The following PSTK variants were observed in gnomAD, a reference collection of about 807,000 sequenced individuals.
PSTK encodes phosphoseryl-tRNA kinase.
A neutral mutation model predicts 38.6 loss-of-function variants in PSTK; 26 were observed. The ratio of observed to expected loss-of-function variants is 0.67; its 90% CI spans 0.49 to 0.94. The LOEUF is 0.94. Among genes scored for constraint, PSTK ranks in the 40% least tolerant of loss-of-function variants. The pLI is 0.00. For synonymous variants in PSTK, 181 were observed against 161.7 expected (o/e 1.12, Z -0.91); for missense variants, 445 against 436.3 (o/e 1.02, Z -0.18).
intron 5 of PSTK, 114 bp from the exon 6 acceptor site, chr10:122,990,060 G>C: frequency 1.5e-6 from 1 of 682,780 alleles, no homozygotes; most frequent in Non-Finnish European, 2.4e-6. Context: ...ACTCAATTGT[G>C]ATTGTTTATA....
At chr10:122,986,093 C>T (rs1455571485) in intron 3 of PSTK, 14 of 295,902 alleles carry the variant, frequency 4.7e-5, no homozygotes, top group South Asian at 1.2e-4. Flanking sequence ...TGGTGGTGGG[C>T]GCCTGTAGTC....
rs1849111784 is a variant in PSTK at position 122,990,163 on chromosome 10, TTTTA to T, written c.878-7_878-4del. 1 of 1,506,230 alleles carries T rather than the reference TTTTA, an allele frequency of 6.6e-7. No homozygotes were observed. The highest frequency in any genetic ancestry group is 2.6e-5 in the Admixed American group (1 of 38,300). 93.3% of individuals were successfully genotyped at this position (1,506,230 alleles called of 1,614,324 possible). Reference sequence around the variant, plus strand: ...TTACACCAGTAATTTGAGAATATCTTTTTATTTTAGATGAACAAGTGCTTCCTCA... The same window carrying T: ...TTACACCAGTAATTTGAGAATATCTTTTTTAGATGAACAAGTGCTTCCTCA... On this transcript the variant is annotated splice_region_variant and splice_polypyrimidine_tract_variant and intron_variant, in intron 5 of 5. Coordinates refer to ENST00000406217, the MANE Select transcript of PSTK (RefSeq NM_001363531.2).
chr10:122,985,594 A>C (rs1849022254), intron 3 of PSTK: 1 of 152,194 alleles, frequency 6.6e-6, no homozygotes, highest in Non-Finnish European at 1.5e-5. Context: ...AACTTTGCTC[A>C]TCCATATCCA....
intron 2 of PSTK, 63 bp downstream of exon 2, chr10:122,983,087 G>T: frequency 7.0e-7 from 1 of 1,421,222 alleles, no homozygotes; most frequent in Non-Finnish European, 9.6e-7. Flanking sequence ...AAACACTATT[G>T]TCTTCAATGA....
intron 5 of PSTK, 87 bp from the exon 6 acceptor site, chr10:122,990,087 T>C: frequency 2.2e-6 from 2 of 892,838 alleles, no homozygotes; most frequent in Non-Finnish European, 3.4e-6. Context: ...AACTGGTTTG[T>C]TTAATCAAAT....
Position 122,982,909 on chromosome 10 carries a change from C to T in PSTK, c.393C>T (p.Ala131=). 6.2e-7 allele frequency: 1 copy of T among 1,614,140 alleles called. No individual in the cohort carries two copies. Among genetic ancestry groups the T allele is most frequent in the Non-Finnish European group, 8.5e-7 (1 of 1,180,006 alleles). Reference sequence around the variant, plus strand: ...TGATATTTTCTGCAGCATTTGAGGCCCAGTCTTGCTACCTCTTAACAAAAA... The same window carrying T: ...TGATATTTTCTGCAGCATTTGAGGCTCAGTCTTGCTACCTCTTAACAAAAA... ...QDLIFSAAFE[A]QSCYLLTKTA... is the part of the protein sequence containing the mutation. The change falls in exon 2 of 6, where the codon GCC becomes GCT. Residue 131 remains alanine (A), a synonymous_variant. Coordinates refer to ENST00000406217, the MANE Select transcript of PSTK (RefSeq NM_001363531.2).
At chr10:122,987,394 C>T (rs1428808189) in intron 5 of PSTK, 3 of 1,614,042 alleles carry the variant, frequency 1.9e-6, no homozygotes, top group Non-Finnish European at 2.5e-6. Context: ...GCGAACCATG[C>T]AGCTATCTGG....
chr10:122,988,148 C>T (rs562683658), intron 5 of PSTK, among the ~76,000 whole-genome samples: 9 of 152,038 alleles, frequency 5.9e-5, no homozygotes, highest in South Asian at 2.1e-4. Flanking sequence ...AGAAAAATAC[C>T]GATTGCCACT....
chr10:122,982,621 A>G (rs995401967), intron 1 of PSTK, 112 bp from the exon 2 acceptor site: 14 of 802,552 alleles, frequency 1.7e-5, no homozygotes, highest in Non-Finnish European at 2.8e-5. Flanking sequence ...AGAACTACAG[A>G]TGGTTCCGTA....
At chr10:122,986,740 G>A in intron 4 of PSTK, 129 bp from the exon 5 acceptor site, 1 of 634,336 alleles carries the variant, frequency 1.6e-6, no homozygotes, top group Non-Finnish European at 2.7e-6. Flanking sequence ...TCTCTTGTAG[G>A]GAAGAATAAC....
At chr10:122,987,073 GT>G in intron 5 of PSTK, 111 bp downstream of exon 5, 1 of 896,368 alleles carries the variant, frequency 1.1e-6, no homozygotes, top group Non-Finnish European at 1.8e-6. Context: ...TTCACATCAT[GT>G]TTTCAATTTA....
intron 5 of PSTK, among the ~76,000 whole-genome samples, chr10:122,988,181 GTT>G (rs1849061076): frequency 6.6e-6 from 1 of 152,094 alleles, no homozygotes; most frequent in African/African-American, 2.4e-5. Flanking sequence ...ACATTAATAA[GTT>G]TGAGAAACAG....
rs570807899 is a variant in PSTK at position 122,983,689 on chromosome 10, A to G, written c.707+219A>G. 2.9e-5 allele frequency: 15 copies of G among 514,754 alleles called. No homozygotes were observed. The South Asian group carries it at 3.9e-4, about 13-fold the overall frequency. The allele number at this position is 514,754 out of a possible 1,614,324, so 31.9% of individuals were successfully genotyped here. A position where few individuals can be genotyped will look rare whatever the true frequency, so the allele number is the denominator to read the frequency against. The stretch of plus-strand genomic sequence containing the variant: ...ATGTCTGCTCATAACTGTTACGATT[A>G]TACTGTCTTCCAGTAGTTGGAGCAG... On this transcript the variant is annotated intron_variant, in intron 3 of 5. Coordinates refer to ENST00000406217, the MANE Select transcript of PSTK (RefSeq NM_001363531.2).
At position 122,980,803 on chromosome 10, in the gene PSTK, C is replaced by G; in HGVS notation, c.216+108C>G. On this transcript the variant is annotated intron_variant, in intron 1 of 5. Transcript: ENST00000406217. The surrounding 1 kb of genome is among the most constrained non-coding windows in gnomAD (Gnocchi z 4.3). The stretch of plus-strand genomic sequence containing the variant: ...TCCTGGGTGATTTGCCATGAGCGCC[C>G]ATTGCTTGGTGTGGGAGGTGAAGTT... The G allele has an allele frequency of 7.8e-7, 1 of 1,287,434 alleles. No individual in the cohort carries two copies. The highest frequency in any genetic ancestry group is 9.8e-7 in the Non-Finnish European group (1 of 1,023,094). 79.8% of individuals were successfully genotyped at this position (1,287,434 alleles called of 1,614,324 possible).
At chr10:122,987,429 A>G in intron 5 of PSTK, 1 of 1,614,224 alleles carries the variant, frequency 6.2e-7, no homozygotes, top group South Asian at 1.1e-5. Context: ...CAATGAACAC[A>G]TCAAGTGCAG....
chr10:122,989,058 CATG>C (rs895720107), intron 5 of PSTK, among the ~76,000 whole-genome samples: 1 of 151,810 alleles, frequency 6.6e-6, no homozygotes, highest in African/African-American at 2.4e-5. Context: ...ACCTTGAAAA[CATG>C]ATGCAAAGTG....
At position 122,982,802 on chromosome 10, in the gene PSTK, A is replaced by C. The variant is rs899122118; in HGVS notation, c.286A>C (p.Asn96His). Residue 96 changes from asparagine to histidine, a missense_variant, in exon 2 of 6, where the codon AAT (asparagine) becomes CAT (histidine). Asn to His is a moderately conservative substitution (Grantham distance 68, BLOSUM62 1). Transcript: ENST00000406217. The stretch of plus-strand genomic sequence containing the variant: ...GGAATACTTCTTGATGGCTGTCATT[A>C]ATGGGTGTCAGATGTCTGTCCCACC... ...YLEYFLMAVI[N>H]GCQMSVPPNR... The C allele has an allele frequency of 5.0e-6, 8 of 1,613,924 alleles. No individual in the cohort carries two copies. Among genetic ancestry groups the C allele is most frequent in the Non-Finnish European group, 6.8e-6 (8 of 1,179,878 alleles).
chr10:122,986,848 A>ACTT (rs1363285130), intron 4 of PSTK, 21 bp from the exon 5 acceptor site: 4 of 1,443,230 alleles, frequency 2.8e-6, no homozygotes, highest in Non-Finnish European at 3.9e-6. Flanking sequence ...ACTTCTAATA[A>ACTT]CAATGTCTGT....
Position 122,980,610 on chromosome 10 carries a change from A to T in PSTK, c.131A>T (p.Gln44Leu). 6 of 1,612,206 alleles carry T rather than the reference A, an allele frequency of 3.7e-6. No homozygotes were observed. The South Asian group carries it at 5.5e-5, about 15-fold the overall frequency. Reference sequence around the variant, plus strand: ...CGCGCCCTCGCCCACCGGCTGCAGCAGGAGCAGGGTTGGGCCATCGGTGTT... The same window carrying T: ...CGCGCCCTCGCCCACCGGCTGCAGCTGGAGCAGGGTTGGGCCATCGGTGTT... Reference protein sequence around the residue: ...FARALAHRLQQEQGWAIGVVA... With the variant: ...FARALAHRLQLEQGWAIGVVA... The change falls in exon 1 of 6, where the codon CAG becomes CTG. Residue 44 changes from glutamine (Q) to leucine (L), a missense_variant. By Grantham distance (113) the Gln-to-Leu change is moderately radical (BLOSUM62 -2). Coordinates refer to ENST00000406217, the MANE Select transcript of PSTK (RefSeq NM_001363531.2). This position sits in a 1 kb window ranked among gnomAD's most constrained non-coding sequence, Gnocchi z 4.3.
Sources: allele counts gnomAD v4.1 joint callset (sites outside exome capture counted in the v4.1 genomes callset), GRCh38; gene constraint gnomAD v4.1.1; non-coding constraint Gnocchi (gnomAD v3.1); transcripts MANE v1.5; gene names NCBI Gene and HGNC (gene_info 2026-07-23, HGNC 2026-07-21).